The following CAPN13 variants were observed in gnomAD, a reference collection of about 807,000 sequenced individuals.
CAPN13 encodes the protein calpain 13.
A neutral mutation model predicts 98.4 loss-of-function variants in CAPN13; 90 were observed. The observed-to-expected ratio is 0.92, with a 90% CI of 0.77 to 1.09. The LOEUF is 1.09. CAPN13 is among the 50% of genes least tolerant of loss of function. The pLI is 0.00. For missense variants in CAPN13, 887 were observed against 841.3 expected, an observed-to-expected ratio of 1.05 and a Z score of -0.67; for synonymous variants, 330 against 305.5, an observed-to-expected ratio of 1.08 and a Z score of -0.84.
chr2:30,738,244 A>T lies in CAPN13; in HGVS notation c.1644T>A (p.Ala548=). The T allele has an allele frequency of 6.2e-7, 1 of 1,613,978 alleles. No individual in the cohort carries two copies. The highest frequency in any genetic ancestry group is 8.5e-7 in the Non-Finnish European group (1 of 1,179,884). The change falls in exon 17 of 23, where the codon GCT becomes GCA. Residue 548 remains alanine (A), a synonymous_variant. Coordinates refer to ENST00000295055, the MANE Select transcript of CAPN13 (RefSeq NM_144575.3). The part of the protein sequence containing the change: ...FSLDECRSLV[A]LMELKVNGRL... ...TGACCGCAAAGGATACTTCCATCAGAGCCACCAAGCTGCGGCACTCATCTA... is the reference window on the plus strand; with the variant it reads ...TGACCGCAAAGGATACTTCCATCAGTGCCACCAAGCTGCGGCACTCATCTA...
At chr2:30,752,926 C>T (rs1672251286) in intron 10 of CAPN13, 127 bp downstream of exon 10, 2 of 1,041,152 alleles carry the variant, frequency 1.9e-6, no homozygotes, top group Non-Finnish European at 2.8e-6. Flanking sequence ...TGCTGACAAA[C>T]TCCCCTCCTT....
intron 5 of CAPN13, among the ~76,000 whole-genome samples, chr2:30,765,864 G>C (rs1673084129): frequency 6.6e-6 from 1 of 152,256 alleles, no homozygotes; most frequent in African/African-American, 2.4e-5. Flanking sequence ...GATTAATCTT[G>C]ACTTGTTTTA....
chr2:30,804,482 C>T (rs746560937), intron 1 of CAPN13, among the ~76,000 whole-genome samples: 9 of 152,152 alleles, frequency 5.9e-5, no homozygotes, highest in South Asian at 4.1e-4. Context: ...GGATTACAGG[C>T]GTGAACAGAG....
chr2:30,777,554 G>A lies in CAPN13; in HGVS notation c.271+13C>T, dbSNP rs1673766159. On this transcript the variant is annotated intron_variant, in intron 3 of 22. Transcript: ENST00000295055. ...CCTATCCAGGGCACGGAGGGAAGAT[G>A]TTGCACTCTTACCTGCGCCTCCTTG... 1 of 1,564,432 alleles carries A rather than the reference G, an allele frequency of 6.4e-7. No homozygotes were observed. The highest frequency in any genetic ancestry group is 1.9e-5 in the Admixed American group (1 of 53,076).
At chr2:30,793,686 T>C (rs917735414) in intron 1 of CAPN13, among the ~76,000 whole-genome samples, 1 of 151,842 alleles carries the variant, frequency 6.6e-6, no homozygotes, top group East Asian at 1.9e-4. Context: ...CCAACCTGAC[T>C]TCAATACATA....
chr2:30,743,310 G>T, intron 13 of CAPN13, 73 bp downstream of exon 13: 1 of 1,317,936 alleles, frequency 7.6e-7, no homozygotes, highest in Non-Finnish European at 1.1e-6. Flanking sequence ...ACAGAGAACT[G>T]CCCATAATTA....
chr2:30,786,874 GAAA>G (rs34554699), intron 2 of CAPN13, among the ~76,000 whole-genome samples: 1 of 152,182 alleles, frequency 6.6e-6, no homozygotes, highest in Non-Finnish European at 1.5e-5. Context: ...TTTTTTGGAT[GAAA>G]AACTGAGGTA....
chr2:30,761,333 G>A (rs556096063), intron 7 of CAPN13, among the ~76,000 whole-genome samples: 22 of 152,234 alleles, frequency 1.4e-4, no homozygotes, highest in Middle Eastern at 3.4e-3. Flanking sequence ...AACTCCAAGT[G>A]TACACTATGG....
At position 30,775,952 on chromosome 2, in the gene CAPN13, T is replaced by A. The variant is rs757163085; in HGVS notation, c.365A>T (p.Tyr122Phe). 6 of 1,611,152 alleles carry A rather than the reference T, an allele frequency of 3.7e-6. No individual in the cohort carries two copies. The highest frequency in any genetic ancestry group is 1.7e-4 in the Middle Eastern group (1 of 6,058). Residue 122 changes from tyrosine (Y) to phenylalanine (F), a missense_variant, in exon 4 of 23, where the codon TAT becomes TTT. Tyr to Phe is a conservative substitution (Grantham distance 22). Coordinates refer to ENST00000295055, the MANE Select transcript of CAPN13 (RefSeq NM_144575.3). ...TACCCGGAAACGGAAAATGCCAGCATACTGGTGTGAAAAGCTTTGGACCAT... is the reference window on the plus strand; with the variant it reads ...TACCCGGAAACGGAAAATGCCAGCAAACTGGTGTGAAAAGCTTTGGACCAT... ...ILMVQSFSHQ[Y>F]AGIFRFRFWQ...
At chr2:30,772,584 T>G (rs1235694789) in intron 4 of CAPN13, among the ~76,000 whole-genome samples, 1 of 152,140 alleles carries the variant, frequency 6.6e-6, no homozygotes, top group Non-Finnish European at 1.5e-5. Flanking sequence ...CTCCCTGGTG[T>G]GGTCCTTGAA....
chr2:30,742,096 T>G, intron 14 of CAPN13, 132 bp from the exon 15 acceptor site: 1 of 993,982 alleles, frequency 1.0e-6, no homozygotes, highest in East Asian at 2.6e-5. Flanking sequence ...AAAAGCCTTC[T>G]GGGGAATGAG....
chr2:30,780,233 T>C (rs1673917334), intron 2 of CAPN13, among the ~76,000 whole-genome samples: 1 of 152,210 alleles, frequency 6.6e-6, no homozygotes, highest in African/African-American at 2.4e-5. Flanking sequence ...ACAATTCCAG[T>C]GTCATTGACA....
chr2:30,796,041 A>G lies in CAPN13; in HGVS notation c.-32-8684T>C, dbSNP rs139809872. Reference sequence around the variant, plus strand: ...AAAGCTGGTATCTGTATTAGCAAATATAGCTTTGCCAAAGCCAATTACTTA... The same window carrying G: ...AAAGCTGGTATCTGTATTAGCAAATGTAGCTTTGCCAAAGCCAATTACTTA... On this transcript the variant is annotated intron_variant, in intron 1 of 22. Transcript: ENST00000295055. Among the ~76,000 whole-genome samples, 653 of 151,590 alleles carry G rather than the reference A, an allele frequency of 4.3e-3. 3 individuals are homozygous for G. Among genetic ancestry groups the G allele is most frequent in the African/African-American group, 0.015 (624 of 41,430 alleles).
intron 10 of CAPN13, among the ~76,000 whole-genome samples, 199 bp downstream of exon 10, chr2:30,752,854 G>T (rs1672245491): frequency 6.6e-6 from 1 of 152,242 alleles, no homozygotes; most frequent in South Asian, 2.1e-4. Context: ...TCACATCAGA[G>T]ATTCTCCAAC....
chr2:30,797,196 C>T (rs1240704413), intron 1 of CAPN13, among the ~76,000 whole-genome samples: 3 of 152,080 alleles, frequency 2.0e-5, no homozygotes, highest in Non-Finnish European at 2.9e-5. Context: ...AGCCCAGGTC[C>T]CCCTCCCTCC....
At chr2:30,751,082 C>A (rs755706803) in intron 11 of CAPN13, 21 bp downstream of exon 11, 1 of 1,611,642 alleles carries the variant, frequency 6.2e-7, no homozygotes, top group Admixed American at 1.7e-5. Context: ...CAAGGGAAAG[C>A]CCTGAAGCAG....
intron 4 of CAPN13, among the ~76,000 whole-genome samples, chr2:30,774,585 C>T (rs1248644015): frequency 2.0e-5 from 3 of 152,042 alleles, no homozygotes; most frequent in South Asian, 2.1e-4. Flanking sequence ...TTTTTCTAGT[C>T]GAGTATAAAT....
At chr2:30,730,535 CAT>C (rs2147942339) in intron 22 of CAPN13, among the ~76,000 whole-genome samples, 193 bp downstream of exon 22, 1 of 152,288 alleles carries the variant, frequency 6.6e-6, no homozygotes, top group East Asian at 1.9e-4. Flanking sequence ...CATTGGTCTA[CAT>C]TGTCTGCATG....
At position 30,787,307 on chromosome 2, in the gene CAPN13, G is replaced by T. The variant is rs747810444; in HGVS notation, c.19C>A (p.Pro7Thr). Residue 7 changes from proline to threonine, a missense_variant, in exon 2 of 23, where the codon CCT becomes ACT. Physicochemically the swap from Pro to Thr is conservative, Grantham distance 38 (BLOSUM62 -1). Transcript: ENST00000295055. Reference protein sequence around the residue: MAYYQEPSVETSIIKFK... With the variant: MAYYQETSVETSIIKFK... ...TTGATGATGGAGGTCTCCACTGAAGGCTCCTGGTAATACGCCATGACTCTC... is the reference window on the plus strand; with the variant it reads ...TTGATGATGGAGGTCTCCACTGAAGTCTCCTGGTAATACGCCATGACTCTC... 9.9e-6 allele frequency: 16 copies of T among 1,612,716 alleles called. No individual in the cohort carries two copies. The highest frequency in any genetic ancestry group is 1.7e-5 in the Admixed American group (1 of 59,876).
Sources: gnomAD v4.1 joint callset for allele counts (sites outside exome capture counted in the v4.1 genomes callset) on GRCh38, gnomAD v4.1.1 for gene constraint, MANE v1.5 for transcripts, NCBI Gene and HGNC (gene_info 2026-07-23, HGNC 2026-07-21) for gene names.